Variants in SYT14 observed in about 807,000 individuals in gnomAD.
The protein encoded by SYT14 is synaptotagmin-14.
SYT14 carries 32 observed loss-of-function variants against 74.2 expected under a neutral mutation model. That is an observed-to-expected ratio of 0.43 (90% confidence interval 0.33 to 0.58). The LOEUF is 0.58. Among genes scored for constraint, SYT14 ranks in the 20% least tolerant of loss-of-function variants. SYT14 has a pLI of 0.05. For synonymous variants in SYT14, 298 were observed against 337.7 expected (o/e 0.88, Z 1.29); for missense variants, 791 against 981.8 (o/e 0.81, Z 2.60).
Position 210,148,486 on chromosome 1 carries a change from G to A in SYT14, c.2035-7235G>A, listed in dbSNP as rs145244352. Among the ~76,000 whole-genome samples, 75 of 148,668 alleles carry A rather than the reference G, an allele frequency of 5.0e-4. 1 individual carries two copies. In the East Asian group the frequency reaches 0.014, roughly 28 times the overall value. On this transcript the variant is annotated intron_variant, in intron 7 of 9. Coordinates refer to ENST00000637265, the Ensembl canonical transcript of SYT14. ...ATCGCGCCACTGCACTCCAGCCTGG[G>A]CGACAGAGCAAAACTCCGTCTCAAA... is the stretch of plus-strand genomic sequence containing the variant.
intron 6 of SYT14, 80 bp downstream of exon 5, chr1:210,094,673 G>T: frequency 4.0e-6 from 6 of 1,484,320 alleles, no homozygotes; most frequent in Non-Finnish European, 5.6e-6. Context: ...TTGGTAAGAA[G>T]AATTGATTTT....
At chr1:210,058,112 C>T (rs888131202) in intron 5 of SYT14, among the ~76,000 whole-genome samples, 1 of 152,066 alleles carries the variant, frequency 6.6e-6, no homozygotes, top group Non-Finnish European at 1.5e-5. Context: ...GACTAGGGAC[C>T]GAAAGCTGGA....
intron 7 of SYT14, among the ~76,000 whole-genome samples, chr1:210,132,340 C>T (rs541938497): frequency 4.0e-5 from 6 of 151,480 alleles, no homozygotes; most frequent in East Asian, 4.0e-4. Context: ...TGGTGTGCCA[C>T]GTGCCACTCC....
chr1:210,002,012 A>T (rs1479151799), intron 2 of SYT14, among the ~76,000 whole-genome samples: 1 of 152,182 alleles, frequency 6.6e-6, no homozygotes, highest in Non-Finnish European at 1.5e-5. Flanking sequence ...CTCATTCTGG[A>T]CACTGTGATA....
Position 210,020,448 on chromosome 1 carries a change from T to C in SYT14, c.1097-591T>C, listed in dbSNP as rs147690347. On this transcript the variant is annotated intron_variant, in intron 4 of 9. Transcript: ENST00000637265. ...GATCAGATTATGCAGATTTAAAAGT[T>C]TGATATATTTTGCCAAATTGCTCTC... Among the ~76,000 whole-genome samples, 38 of 152,294 alleles carry C rather than the reference T, an allele frequency of 2.5e-4. No individual in the cohort carries two copies. In the East Asian group the frequency reaches 6.9e-3, roughly 28 times the overall value.
intron 5 of SYT14, among the ~76,000 whole-genome samples, chr1:210,065,037 C>T (rs2081271742): frequency 6.6e-6 from 1 of 152,042 alleles, no homozygotes; most frequent in Non-Finnish European, 1.5e-5. Flanking sequence ...TGTTAGGCGT[C>T]TTTTCATGTG....
At chr1:210,103,534 A>G (rs1014274352) in intron 7 of SYT14, among the ~76,000 whole-genome samples, 31 of 135,122 alleles carry the variant, frequency 2.3e-4, no homozygotes, top group Admixed American at 9.5e-4. Context: ...TGGATGACAG[A>G]GCAAGACTCT....
intron 2 of SYT14, among the ~76,000 whole-genome samples, chr1:209,956,681 C>T (rs893089741): frequency 1.3e-5 from 2 of 152,248 alleles, no homozygotes; most frequent in Non-Finnish European, 2.9e-5. Context: ...AATTAATCTA[C>T]CCTAATATGA....
intron 2 of SYT14, among the ~76,000 whole-genome samples, chr1:209,966,941 T>A (rs2079166539): frequency 6.6e-6 from 1 of 152,208 alleles, no homozygotes; most frequent in Admixed American, 6.5e-5. Context: ...GGGAAGAGCA[T>A]TCAGTCTTTT....
intron 1 of SYT14, among the ~76,000 whole-genome samples, chr1:209,943,209 G>T (rs2078765253): frequency 6.6e-6 from 1 of 152,164 alleles, no homozygotes; most frequent in Non-Finnish European, 1.5e-5. Flanking sequence ...AGACACAGTG[G>T]TATTTTATTT....
intron 5 of SYT14, among the ~76,000 whole-genome samples, chr1:210,032,782 A>G (rs1425456951): frequency 6.6e-6 from 1 of 151,880 alleles, no homozygotes; most frequent in African/African-American, 2.4e-5. Flanking sequence ...AATAATTAGA[A>G]ACTGATTAAT....
At chr1:209,945,949 CTG>C (rs2078816350) in intron 1 of SYT14, among the ~76,000 whole-genome samples, 1 of 152,084 alleles carries the variant, frequency 6.6e-6, no homozygotes, top group Non-Finnish European at 1.5e-5. Flanking sequence ...CCTTGTGTCT[CTG>C]TGTCACGTTT....
intron 7 of SYT14, among the ~76,000 whole-genome samples, chr1:210,130,094 A>G (rs538855545): frequency 9.2e-5 from 14 of 152,232 alleles, no homozygotes; most frequent in Non-Finnish European, 1.6e-4. Flanking sequence ...GAAACAAACC[A>G]TATCATTCAG....
chr1:209,943,568 A>G (rs1355094412), intron 1 of SYT14, among the ~76,000 whole-genome samples: 1 of 151,514 alleles, frequency 6.6e-6, no homozygotes, highest in Non-Finnish European at 1.5e-5. Context: ...CAATGGGGAA[A>G]GCAGAGAGAA....
chr1:209,944,090 A>G (rs976091381), intron 1 of SYT14, among the ~76,000 whole-genome samples: 3 of 152,220 alleles, frequency 2.0e-5, no homozygotes, highest in African/African-American at 7.2e-5. Flanking sequence ...TTGAGTCATC[A>G]TGAGATAGAA....
At chr1:209,964,650 T>C (rs2079126968) in intron 2 of SYT14, among the ~76,000 whole-genome samples, 2 of 152,196 alleles carry the variant, frequency 1.3e-5, no homozygotes, top group Non-Finnish European at 1.5e-5. Context: ...TTGAGTTTCC[T>C]TGTGCTCTCT....
At chr1:209,984,344 A>G (rs2079537451) in intron 2 of SYT14, among the ~76,000 whole-genome samples, 1 of 152,182 alleles carries the variant, frequency 6.6e-6, no homozygotes, top group African/African-American at 2.4e-5. Context: ...CAGCAAGCAC[A>G]TCCCTCGTTG....
chr1:210,050,327 C>T (rs901899653), intron 5 of SYT14, among the ~76,000 whole-genome samples: 7 of 152,204 alleles, frequency 4.6e-5, no homozygotes, highest in African/African-American at 1.7e-4. Context: ...ACAAGTTCCT[C>T]ATCACTGGAG....
intron 2 of SYT14, among the ~76,000 whole-genome samples, chr1:210,001,250 C>G (rs891655362): frequency 1.5e-4 from 21 of 141,766 alleles, no homozygotes; most frequent in African/African-American, 5.3e-4. Context: ...CTCAAATTTG[C>G]TAATTTTTTT....
Sources: gnomAD v4.1 joint callset for allele counts (sites outside exome capture counted in the v4.1 genomes callset) on GRCh38, gnomAD v4.1.1 for gene constraint, MANE v1.5 for transcripts, NCBI Gene and HGNC (gene_info 2026-07-23, HGNC 2026-07-21) for gene names.